Variants in WHRN observed in about 807,000 individuals in gnomAD.
The protein encoded by WHRN is CASK-interacting protein CIP98.
A neutral mutation model predicts 68.3 loss-of-function variants in WHRN; 41 were observed. The ratio of observed to expected loss-of-function variants is 0.60; its 90% CI spans 0.47 to 0.78. The LOEUF is 0.78. WHRN is among the 30% of genes least tolerant of loss of function. The probability of loss-of-function intolerance (pLI) is 0.00; values close to 1 mark genes in which losing one functional copy is unlikely to be tolerated. For missense variants in WHRN, 1,243 were observed against 1,244.7 expected (o/e 1.00, Z 0.02); for synonymous variants, 560 against 561.3 (o/e 1.00, Z 0.03).
chr9:114,465,560 C>G (rs1028436950), intron 3 of WHRN, among the ~76,000 whole-genome samples: 1 of 152,172 alleles, frequency 6.6e-6, no homozygotes, highest in Non-Finnish European at 1.5e-5. Context: ...ACATGGTGCT[C>G]TTTAATTTGG....
chr9:114,416,429 G>A (rs568799785), intron 7 of WHRN, among the ~76,000 whole-genome samples: 1 of 152,342 alleles, frequency 6.6e-6, no homozygotes, highest in Non-Finnish European at 1.5e-5. Flanking sequence ...GGAGGAATCT[G>A]GTGGGAGGTG....
intron 3 of WHRN, among the ~76,000 whole-genome samples, chr9:114,458,242 T>C (rs1050864774): frequency 1.3e-5 from 2 of 152,160 alleles, no homozygotes; most frequent in African/African-American, 4.8e-5. Flanking sequence ...CCTTCTTGTT[T>C]GTTCTGTTCC....
chr9:114,409,482 G>A (rs985479341), intron 7 of WHRN, among the ~76,000 whole-genome samples: 4 of 152,240 alleles, frequency 2.6e-5, no homozygotes, highest in Non-Finnish European at 5.9e-5. Context: ...AGGAAAGGGT[G>A]TAAAGCAGGA....
chr9:114,436,962 A>C (rs1837914247), intron 3 of WHRN, among the ~76,000 whole-genome samples: 2 of 152,186 alleles, frequency 1.3e-5, no homozygotes, highest in Non-Finnish European at 2.9e-5. Context: ...AAAGTATAAA[A>C]TGCACGAATG....
chr9:114,438,454 C>CTT (rs869187937), intron 3 of WHRN, among the ~76,000 whole-genome samples: 12 of 134,180 alleles, frequency 8.9e-5, no homozygotes, highest in South Asian at 2.4e-4. Flanking sequence ...TCTTTTTTTT[C>CTT]TTTTTTTTTT....
At chr9:114,444,154 T>C (rs1428609483) in intron 3 of WHRN, among the ~76,000 whole-genome samples, 1 of 152,224 alleles carries the variant, frequency 6.6e-6, no homozygotes, top group African/African-American at 2.4e-5. Flanking sequence ...GTACCCCATC[T>C]AGATGAGGAA....
intron 1 of WHRN, among the ~76,000 whole-genome samples, chr9:114,498,999 A>T (rs1170242724): frequency 6.6e-6 from 1 of 152,240 alleles, no homozygotes; most frequent in Non-Finnish European, 1.5e-5. Flanking sequence ...ACTCCAGGTG[A>T]CAATGATGTG....
intron 3 of WHRN, among the ~76,000 whole-genome samples, chr9:114,442,252 T>A (rs1008666743): frequency 1.3e-5 from 2 of 152,148 alleles, no homozygotes; most frequent in Admixed American, 1.3e-4. Context: ...AAGAGGACAT[T>A]ATTGGGACAA....
intron 1 of WHRN, among the ~76,000 whole-genome samples, chr9:114,488,258 G>A (rs78830062): frequency 0.022 from 3,331 of 152,240 alleles, 36 homozygotes; most frequent in African/African-American, 0.035. Context: ...GAGAAAATGT[G>A]CATAAAGCAT....
intron 1 of WHRN, chr9:114,491,762 C>T (rs1008207550): frequency 2.6e-5 from 7 of 271,770 alleles, no homozygotes; most frequent in Non-Finnish European, 5.3e-5. Context: ...TCGTGTCCAA[C>T]CCTCCCGCCC....
intron 1 of WHRN, among the ~76,000 whole-genome samples, chr9:114,490,125 C>A (rs943795772): frequency 6.6e-6 from 1 of 152,212 alleles, no homozygotes; most frequent in East Asian, 1.9e-4. Context: ...CGGCTCTGTG[C>A]GGCCACCTCG....
chr9:114,463,561 T>C (rs915605977), intron 3 of WHRN, among the ~76,000 whole-genome samples: 1 of 152,236 alleles, frequency 6.6e-6, no homozygotes, highest in African/African-American at 2.4e-5. Context: ...TTAACAATAT[T>C]GTACTGATGT....
At chr9:114,452,255 C>T (rs974359276) in intron 3 of WHRN, among the ~76,000 whole-genome samples, 14 of 152,232 alleles carry the variant, frequency 9.2e-5, no homozygotes, top group Admixed American at 4.6e-4. Context: ...AAGAATCCTC[C>T]GGGTTCCAAA....
chr9:114,500,931 C>A (rs1843866713), intron 1 of WHRN, among the ~76,000 whole-genome samples: 1 of 152,238 alleles, frequency 6.6e-6, no homozygotes, highest in African/African-American at 2.4e-5. Context: ...CCTTAGCCAA[C>A]TTTCCTTATT....
intron 1 of WHRN, among the ~76,000 whole-genome samples, chr9:114,482,462 C>T (rs560172985): frequency 2.0e-5 from 3 of 152,118 alleles, no homozygotes; most frequent in South Asian, 2.1e-4. Context: ...GTCCTTGGGC[C>T]GGTTGCTTCC....
At chr9:114,503,066 C>T in intron 1 of WHRN, 1 of 940,634 alleles carries the variant, frequency 1.1e-6, no homozygotes, top group Non-Finnish European at 1.3e-6. Flanking sequence ...TGAGGGAAGC[C>T]AACATCAGGT....
At chr9:114,475,053 G>A (rs1841537764) in intron 2 of WHRN, among the ~76,000 whole-genome samples, 1 of 152,132 alleles carries the variant, frequency 6.6e-6, no homozygotes, top group Admixed American at 6.5e-5. Context: ...CTGTTGGTGG[G>A]AATGTAACAT....
At chr9:114,426,071 G>T in intron 4 of WHRN, 140 bp downstream of exon 4, 1 of 1,081,016 alleles carries the variant, frequency 9.3e-7, no homozygotes, top group Non-Finnish European at 1.4e-6. Context: ...CCCAGGTCAT[G>T]TCCTGCCAAT....
At chr9:114,443,605 A>G (rs1838570595) in intron 3 of WHRN, among the ~76,000 whole-genome samples, 1 of 152,164 alleles carries the variant, frequency 6.6e-6, no homozygotes, top group African/African-American at 2.4e-5. Context: ...CCTCAAGGCC[A>G]GCTGAATAGG....
Sources: allele counts gnomAD v4.1 joint callset (sites outside exome capture counted in the v4.1 genomes callset), GRCh38; gene constraint gnomAD v4.1.1; transcripts MANE v1.5; gene names NCBI Gene and HGNC (gene_info 2026-07-23, HGNC 2026-07-21).